RNF130: variants seen among roughly 807,000 people sequenced by gnomAD.
RNF130 encodes ring finger protein 130.
In RNF130, 21 loss-of-function variants were observed where a neutral mutation model predicts 44.6. The observed-to-expected ratio is 0.47, with a 90% CI of 0.33 to 0.68. The LOEUF (loss-of-function observed/expected upper bound fraction) is 0.68. Ranked by LOEUF, RNF130 falls within the 30% of genes least tolerant of loss-of-function variation. The pLI, the probability that RNF130 is intolerant of heterozygous loss-of-function variation, is 0.02. For synonymous variants in RNF130, 214 were observed against 210.4 expected, an observed-to-expected ratio of 1.02 and a Z score of -0.15; for missense variants, 479 against 560.6, an observed-to-expected ratio of 0.85 and a Z score of 1.47.
At chr5:179,956,710 C>A (rs942490726) in intron 8 of RNF130, among the ~76,000 whole-genome samples, 2 of 152,206 alleles carry the variant, frequency 1.3e-5, no homozygotes, top group Admixed American at 1.3e-4. Flanking sequence ...TCAGCTCCCC[C>A]AAAGGTAAGG....
intron 3 of RNF130, among the ~76,000 whole-genome samples, chr5:180,012,766 A>G (rs978638519): frequency 1.3e-5 from 2 of 152,240 alleles, no homozygotes; most frequent in Non-Finnish European, 2.9e-5. Context: ...TACTGGTTTA[A>G]AAATGCAACT....
At position 180,049,759 on chromosome 5, in the gene RNF130, T is replaced by C. The variant is rs533599730; in HGVS notation, c.248-9112A>G. On this transcript the variant is annotated intron_variant, in intron 1 of 8. Transcript: ENST00000521389. ...TATGTATATGATATAGCTGGATTCATCTCTATTATTTTATTGTGTTCTTAT... is the reference window on the plus strand; with the variant it reads ...TATGTATATGATATAGCTGGATTCACCTCTATTATTTTATTGTGTTCTTAT... Among the ~76,000 whole-genome samples, 9 of 152,286 alleles carry C rather than the reference T, an allele frequency of 5.9e-5. No homozygotes were observed. The East Asian group carries it at 1.2e-3, about 20-fold the overall frequency.
chr5:180,027,354 G>C (rs1764015069), intron 2 of RNF130, among the ~76,000 whole-genome samples: 1 of 152,356 alleles, frequency 6.6e-6, no homozygotes, highest in Non-Finnish European at 1.5e-5. Flanking sequence ...AGCCTGGAAA[G>C]CAAGGAGTTG....
chr5:179,925,584 A>C lies in RNF130; in HGVS notation c.1151-5158T>G, dbSNP rs528353596. Among the ~76,000 whole-genome samples the C allele has an allele frequency of 2.5e-4, 38 of 151,960 alleles. 1 individual carries two copies. In the South Asian group the frequency reaches 7.5e-3, roughly 30 times the overall value. On this transcript the variant is annotated intron_variant, in intron 7 of 7. Transcript: ENST00000522208. ...CTCTGTTGCCCAAGCTGGAGTGTGC[A>C]GTGGTGCGATCCTAGCTCACTGCAG... is the stretch of plus-strand genomic sequence containing the variant.
At chr5:180,009,116 T>A (rs940710814) in intron 3 of RNF130, among the ~76,000 whole-genome samples, 3 of 152,090 alleles carry the variant, frequency 2.0e-5, no homozygotes, top group African/African-American at 7.2e-5. Flanking sequence ...TCAAATAAAC[T>A]AATCACAGAC....
At chr5:179,974,898 G>A (rs1015910891) in intron 5 of RNF130, among the ~76,000 whole-genome samples, 1 of 152,264 alleles carries the variant, frequency 6.6e-6, no homozygotes, top group African/African-American at 2.4e-5. Flanking sequence ...GCGCACCCGG[G>A]TCAGCACGCT....
At chr5:179,943,081 G>C (rs1028828986) in intron 7 of RNF130, among the ~76,000 whole-genome samples, 1 of 152,224 alleles carries the variant, frequency 6.6e-6, no homozygotes, top group Non-Finnish European at 1.5e-5. Context: ...TGTAGTCCCA[G>C]CTACTCAGGA....
chr5:180,005,716 G>C (rs1763450309), intron 3 of RNF130, among the ~76,000 whole-genome samples: 1 of 152,134 alleles, frequency 6.6e-6, no homozygotes, highest in Non-Finnish European at 1.5e-5. Flanking sequence ...CCTTCTCTGT[G>C]AAGTGTCCTT....
intron 5 of RNF130, among the ~76,000 whole-genome samples, chr5:179,976,007 G>C (rs1762709446): frequency 1.3e-5 from 2 of 150,148 alleles, no homozygotes; most frequent in African/African-American, 2.5e-5. Context: ...ATGCAGTCAG[G>C]TCTGGAAAGC....
At chr5:180,065,718 C>A (rs1365083639) in intron 1 of RNF130, among the ~76,000 whole-genome samples, 9 of 151,570 alleles carry the variant, frequency 5.9e-5, no homozygotes, top group Non-Finnish European at 1.2e-4. Flanking sequence ...CAAGATCATG[C>A]CACTGCATTC....
intron 5 of RNF130, among the ~76,000 whole-genome samples, 195 bp downstream of exon 5, chr5:179,978,008 C>T (rs1020660469): frequency 4.1e-4 from 63 of 152,334 alleles, no homozygotes; most frequent in African/African-American, 1.4e-3. Flanking sequence ...CTCGGAAGGC[C>T]GTGCAGCCCG....
intron 3 of RNF130, among the ~76,000 whole-genome samples, chr5:179,997,860 T>G (rs563501139): frequency 2.6e-5 from 4 of 152,262 alleles, no homozygotes; most frequent in Admixed American, 2.6e-4. Flanking sequence ...ACTTGTTTTT[T>G]GAGACAGAGT....
downstream of RNF130, among the ~76,000 whole-genome samples, chr5:179,952,864 A>G (rs560111420): frequency 1.3e-5 from 2 of 152,352 alleles, no homozygotes; most frequent in East Asian, 3.9e-4. Flanking sequence ...TATCTAGTCT[A>G]TAGTCTTAAT....
At chr5:180,006,098 GATA>G (rs879708605) in intron 3 of RNF130, among the ~76,000 whole-genome samples, 1 of 152,140 alleles carries the variant, frequency 6.6e-6, no homozygotes, top group Non-Finnish European at 1.5e-5. Context: ...AAACTGGTAA[GATA>G]ATAACTTCTC....
chr5:179,963,624 C>G, intron 7 of RNF130, 60 bp from the exon 8 acceptor site: 1 of 1,145,462 alleles, frequency 8.7e-7, no homozygotes, highest in Non-Finnish European at 1.3e-6. Context: ...CAAATCGATG[C>G]CAACATTTCC....
intron 7 of RNF130, among the ~76,000 whole-genome samples, chr5:179,926,158 G>C (rs1414445814): frequency 1.3e-5 from 2 of 152,142 alleles, no homozygotes; most frequent in Non-Finnish European, 2.9e-5. Context: ...CTGATAAATG[G>C]GTTTACGACT....
At chr5:179,967,442 G>C (rs761107657) in intron 6 of RNF130, among the ~76,000 whole-genome samples, 1 of 152,176 alleles carries the variant, frequency 6.6e-6, no homozygotes, top group Non-Finnish European at 1.5e-5. Context: ...CCATTTATCT[G>C]GTAGTCAGTT....
chr5:180,066,819 C>T (rs1353748206), intron 1 of RNF130, among the ~76,000 whole-genome samples: 3 of 151,210 alleles, frequency 2.0e-5, no homozygotes, highest in East Asian at 3.9e-4. Flanking sequence ...GCAACAAGAG[C>T]GAAACTCTGT....
intron 4 of RNF130, 91 bp from the exon 5 acceptor site, chr5:179,978,376 C>A: frequency 1.2e-6 from 1 of 847,476 alleles, no homozygotes; most frequent in Non-Finnish European, 2.0e-6. Context: ...TCTGTGGCTA[C>A]TATGGTAAGC....
Sources: allele counts gnomAD v4.1 joint callset (sites outside exome capture counted in the v4.1 genomes callset), GRCh38; gene constraint gnomAD v4.1.1; transcripts MANE v1.5; gene names NCBI Gene and HGNC (gene_info 2026-07-23, HGNC 2026-07-21).